The following SLC35F1 variants were observed in gnomAD, a reference collection of about 807,000 sequenced individuals.
SLC35F1 encodes solute carrier family 35 member F1.
A neutral mutation model predicts 48.7 loss-of-function variants in SLC35F1; 14 were observed. The ratio of observed to expected loss-of-function variants is 0.29; its 90% CI spans 0.19 to 0.45. The LOEUF (loss-of-function observed/expected upper bound fraction) is 0.45. SLC35F1 is among the 20% of genes least tolerant of loss of function. The pLI is 1.00. For synonymous variants in SLC35F1, 190 were observed against 202.2 expected (o/e 0.94, Z 0.51); for missense variants, 404 against 500.0 (o/e 0.81, Z 1.83).
intron 7 of SLC35F1, 35 bp from the exon 8 acceptor site, chr6:118,313,993 G>A (rs1562121631): frequency 6.3e-7 from 1 of 1,597,074 alleles, no homozygotes; most frequent in East Asian, 2.2e-5. Flanking sequence ...GTTCTGCCCT[G>A]GCTGTCAAAT....
At chr6:118,024,538 A>C (rs1048641770) in intron 1 of SLC35F1, among the ~76,000 whole-genome samples, 7 of 152,182 alleles carry the variant, frequency 4.6e-5, no homozygotes, top group Admixed American at 2.0e-4. Context: ...AGAAGAATTT[A>C]AGAAAAATCA....
At chr6:118,281,905 T>G (rs565556204) in intron 6 of SLC35F1, among the ~76,000 whole-genome samples, 1 of 152,344 alleles carries the variant, frequency 6.6e-6, no homozygotes, top group African/African-American at 2.4e-5. Flanking sequence ...TTGTGGAGAT[T>G]AATTACTGTA....
chr6:118,014,641 C>T (rs1777295332), intron 1 of SLC35F1, among the ~76,000 whole-genome samples: 1 of 152,040 alleles, frequency 6.6e-6, no homozygotes, highest in Non-Finnish European at 1.5e-5. Flanking sequence ...CTGTGGAGAA[C>T]TCTGGGAGCA....
At chr6:118,112,086 C>A (rs550642044) in intron 1 of SLC35F1, among the ~76,000 whole-genome samples, 645 of 14,544 alleles carry the variant, frequency 0.044, 14 homozygotes, top group African/African-American at 0.11. Flanking sequence ...TTATTTCTTT[C>A]TTTTCTTTTC....
At chr6:118,250,842 C>T (rs1775564816) in intron 3 of SLC35F1, among the ~76,000 whole-genome samples, 1 of 151,912 alleles carries the variant, frequency 6.6e-6, no homozygotes, top group African/African-American at 2.4e-5. Flanking sequence ...CGTGGTGGTG[C>T]GTGCCCGTAA....
At chr6:118,071,869 G>T (rs1772736360) in intron 1 of SLC35F1, among the ~76,000 whole-genome samples, 1 of 152,160 alleles carries the variant, frequency 6.6e-6, no homozygotes. Flanking sequence ...TTTGTCCAGA[G>T]ATTCTGGAAT....
At chr6:118,235,359 G>A in intron 2 of SLC35F1, 150 bp from the exon 3 acceptor site, 2 of 765,212 alleles carry the variant, frequency 2.6e-6, no homozygotes, top group Non-Finnish European at 3.9e-6. Context: ...AAAAACATGT[G>A]GGTATCTGAT....
At chr6:117,940,077 C>T (rs565840600) in intron 1 of SLC35F1, among the ~76,000 whole-genome samples, 2 of 152,182 alleles carry the variant, frequency 1.3e-5, no homozygotes, top group Non-Finnish European at 2.9e-5. Context: ...GGCAATATAA[C>T]CAAGTACATG....
At chr6:118,286,126 C>G (rs1355886008) in intron 7 of SLC35F1, among the ~76,000 whole-genome samples, 1 of 152,150 alleles carries the variant, frequency 6.6e-6, no homozygotes, top group African/African-American at 2.4e-5. Flanking sequence ...CAAGAGTCAA[C>G]AGGGACTATG....
intron 1 of SLC35F1, among the ~76,000 whole-genome samples, chr6:118,000,437 T>A (rs1777074495): frequency 6.6e-6 from 1 of 152,166 alleles, no homozygotes; most frequent in Non-Finnish European, 1.5e-5. Flanking sequence ...TAGGCATTGA[T>A]GGGACATATC....
chr6:117,974,780 G>C (rs1051545481), intron 1 of SLC35F1, among the ~76,000 whole-genome samples: 2 of 152,154 alleles, frequency 1.3e-5, no homozygotes, highest in African/African-American at 4.8e-5. Context: ...TCTAAATAAT[G>C]CTTTTTAAAT....
intron 1 of SLC35F1, among the ~76,000 whole-genome samples, chr6:118,048,845 C>A (rs1004075794): frequency 1.2e-4 from 18 of 152,230 alleles, no homozygotes; most frequent in African/African-American, 3.9e-4. Context: ...TCTTTCTTCA[C>A]AGAATTGGAA....
At chr6:118,215,238 G>A (rs77555867) in intron 2 of SLC35F1, among the ~76,000 whole-genome samples, 1 of 152,102 alleles carries the variant, frequency 6.6e-6, no homozygotes, top group Non-Finnish European at 1.5e-5. Context: ...TGGCCAGACC[G>A]CAAGGTATTG....
intron 2 of SLC35F1, among the ~76,000 whole-genome samples, chr6:118,172,141 G>T (rs955316874): frequency 6.6e-6 from 1 of 151,180 alleles, no homozygotes; most frequent in Non-Finnish European, 1.5e-5. Context: ...TTTAGCTAGG[G>T]TTTAATCAGA....
chr6:118,126,957 T>C (rs1386383457), intron 1 of SLC35F1, among the ~76,000 whole-genome samples: 4 of 152,288 alleles, frequency 2.6e-5, no homozygotes, highest in East Asian at 1.9e-4. Context: ...TCTTTCCTAA[T>C]TGAATACTCT....
intron 1 of SLC35F1, among the ~76,000 whole-genome samples, chr6:117,956,498 C>T (rs1381731151): frequency 1.3e-5 from 2 of 152,188 alleles, no homozygotes; most frequent in South Asian, 2.1e-4. Context: ...TCAATGAGTG[C>T]TGCTTTACTA....
chr6:118,161,103 T>C (rs933629393), intron 2 of SLC35F1, among the ~76,000 whole-genome samples: 6 of 152,156 alleles, frequency 3.9e-5, no homozygotes, highest in Middle Eastern at 6.8e-3. Flanking sequence ...AATAGAGAAT[T>C]TCATGTGAAA....
Position 118,154,552 on chromosome 6 carries a change from T to G in SLC35F1, c.281T>G (p.Val94Gly), listed in dbSNP as rs746046282. Residue 94 changes from valine (V) to glycine (G), a missense_variant, in exon 2 of 8, where the codon GTC becomes GGC. By Grantham distance (109) the Val-to-Gly change is moderately radical. Coordinates refer to ENST00000360388, the MANE Select transcript of SLC35F1 (RefSeq NM_001029858.4). Reference sequence around the variant, plus strand: ...GAAGATTTCCACGCCAACACACCAGTCTTCCAGAGTTTCCTCAATTACATT... The same window carrying G: ...GAAGATTTCCACGCCAACACACCAGGCTTCCAGAGTTTCCTCAATTACATT... ...LSEDFHANTP[V>G]FQSFLNYILL... 11 of 1,614,084 alleles carry G rather than the reference T, an allele frequency of 6.8e-6. No homozygotes were observed. Among genetic ancestry groups the G allele is most frequent in the Non-Finnish European group, 9.3e-6 (11 of 1,179,958 alleles).
chr6:118,020,841 G>T lies in SLC35F1; in HGVS notation c.173+112942G>T, dbSNP rs142306824. Among the ~76,000 whole-genome samples the T allele has an allele frequency of 1.8e-4, 28 of 152,216 alleles. No homozygotes were observed. The South Asian group carries it at 5.6e-3, about 30-fold the overall frequency. Reference sequence around the variant, plus strand: ...GGAATGTTTTTGACTATAGGAGCAGGGTGAATATGACTGAGCACTTTGTAG... The same window carrying T: ...GGAATGTTTTTGACTATAGGAGCAGTGTGAATATGACTGAGCACTTTGTAG... On this transcript the variant is annotated intron_variant, in intron 1 of 7. Coordinates refer to ENST00000360388, the MANE Select transcript of SLC35F1 (RefSeq NM_001029858.4).
Sources: allele counts gnomAD v4.1 joint callset (sites outside exome capture counted in the v4.1 genomes callset), GRCh38; gene constraint gnomAD v4.1.1; transcripts MANE v1.5; gene names NCBI Gene and HGNC (gene_info 2026-07-23, HGNC 2026-07-21).